The following BICRAL variants were observed in gnomAD, a reference collection of about 807,000 sequenced individuals.
The protein encoded by BICRAL is BRD4-interacting chromatin-remodeling complex-associated protein-like.
Under a neutral mutation model 91.8 loss-of-function variants are expected in BICRAL, and 8 were observed. The ratio of observed to expected loss-of-function variants is 0.09; its 90% CI spans 0.05 to 0.16. BICRAL has a LOEUF of 0.16. BICRAL is among the 10% of genes least tolerant of loss of function. The pLI is 1.00. For synonymous variants in BICRAL, 445 were observed against 491.1 expected, an observed-to-expected ratio of 0.91 and a Z score of 1.24; for missense variants, 1,038 against 1,310.9, an observed-to-expected ratio of 0.79 and a Z score of 3.21.
chr6:42,802,658 G>C lies in BICRAL; in HGVS notation c.-101-7648G>C, dbSNP rs138172921. 2.5e-3 allele frequency among the ~76,000 whole-genome samples: 378 copies of C among 152,204 alleles called. 10 individuals are homozygous for C. The East Asian group carries it at 0.068, about 28-fold the overall frequency. On this transcript the variant is annotated intron_variant, in intron 1 of 12. Coordinates refer to ENST00000314073, the MANE Select transcript of BICRAL (RefSeq NM_001393499.1). Reference sequence around the variant, plus strand: ...AGAGACAGGGTTTCACCATGGCCAGGCTGGTCTTGAACTTCTGACCTCAGG... The same window carrying C: ...AGAGACAGGGTTTCACCATGGCCAGCCTGGTCTTGAACTTCTGACCTCAGG...
intron 5 of BICRAL, among the ~76,000 whole-genome samples, chr6:42,827,207 T>C (rs960200955): frequency 1.3e-5 from 2 of 152,242 alleles, no homozygotes; most frequent in Non-Finnish European, 2.9e-5. Flanking sequence ...CTTACTATCA[T>C]CAGGACCTAT....
chr6:42,752,941 G>A (rs929549767), intron 1 of BICRAL, among the ~76,000 whole-genome samples: 10 of 128,800 alleles, frequency 7.8e-5, no homozygotes, highest in East Asian at 6.4e-4. Context: ...TTTTTGGTTG[G>A]GGGGGTACGG....
chr6:42,846,391 T>TTAAATAAATAAATAAATAAA (rs71547817), intron 6 of BICRAL, among the ~76,000 whole-genome samples: 31 of 150,992 alleles, frequency 2.1e-4, no homozygotes, highest in African/African-American at 6.4e-4. Flanking sequence ...AAACAATAAG[T>TTAAATAAATAAATAAATAAA]TAAATAAATA....
At position 42,820,044 on chromosome 6, in the gene BICRAL, C is replaced by T. The variant is rs1764098008; in HGVS notation, c.-5-1974C>T. ...TTTGCACTACTCAAGTAGTTTGTCA[C>T]TCTAAACTTAGGGGTAGCAGCTGTT... On this transcript the variant is annotated intron_variant, in intron 2 of 12. Transcript: ENST00000314073. 2.6e-5 allele frequency among the ~76,000 whole-genome samples: 4 copies of T among 152,206 alleles called. 1 individual carries two copies. In the South Asian group the frequency reaches 8.3e-4, roughly 31 times the overall value.
intron 1 of BICRAL, among the ~76,000 whole-genome samples, chr6:42,772,707 C>G (rs1296832575): frequency 1.3e-5 from 2 of 152,144 alleles, no homozygotes; most frequent in Non-Finnish European, 2.9e-5. Flanking sequence ...ACACAACCAG[C>G]TCTAGAATCT....
Position 42,864,704 on chromosome 6 carries a change from C to A in BICRAL, c.2498C>A (p.Ala833Asp), listed in dbSNP as rs775213785. The change falls in exon 13 of 13, where the codon GCT (alanine) becomes GAT (aspartate). Residue 833 changes from alanine to aspartate, a missense_variant. Coordinates refer to ENST00000314073, the MANE Select transcript of BICRAL (RefSeq NM_001393499.1). ...TGTTGTTCCTTCAAACTTGATAAAG[C>A]TGCTCATGAGACACAGTTTGGCCGG... Reference protein sequence around the residue: ...DFCCSFKLDKAAHETQFGRSD... With the variant: ...DFCCSFKLDKDAHETQFGRSD... 2 of 1,614,016 alleles carry A rather than the reference C, an allele frequency of 1.2e-6. No individual in the cohort carries two copies.
At chr6:42,838,035 G>A (rs186646441) in intron 6 of BICRAL, among the ~76,000 whole-genome samples, 1 of 152,304 alleles carries the variant, frequency 6.6e-6, no homozygotes, top group African/African-American at 2.4e-5. Context: ...GTCTCTATGT[G>A]TATGTACACA....
At chr6:42,802,428 T>TGTTGTTGTTGTTG (rs142098476) in intron 1 of BICRAL, among the ~76,000 whole-genome samples, 7 of 103,938 alleles carry the variant, frequency 6.7e-5, no homozygotes, top group African/African-American at 2.0e-4. Context: ...CGTGTTTTTT[T>TGTTGTTGTTGTTG]TTGTTGTTGT....
intron 1 of BICRAL, among the ~76,000 whole-genome samples, chr6:42,782,669 T>A (rs969344291): frequency 2.0e-5 from 3 of 150,114 alleles, no homozygotes; most frequent in African/African-American, 7.4e-5. Context: ...AGGGAAGCCT[T>A]TTAATGACTC....
intron 1 of BICRAL, among the ~76,000 whole-genome samples, chr6:42,754,124 T>C (rs1762423114): frequency 6.6e-6 from 1 of 152,102 alleles, no homozygotes; most frequent in Non-Finnish European, 1.5e-5. Flanking sequence ...AGTGCTGGGA[T>C]TACAGGCCGT....
intron 2 of BICRAL, among the ~76,000 whole-genome samples, chr6:42,814,479 ATGTG>A (rs35473219): frequency 1.1e-4 from 9 of 79,012 alleles, no homozygotes; most frequent in South Asian, 4.4e-4. Context: ...ATATACATGC[ATGTG>A]TGTGTGTGTG....
intron 10 of BICRAL, 107 bp downstream of exon 10, chr6:42,857,343 T>C (rs1765401939): frequency 2.2e-6 from 2 of 890,240 alleles, no homozygotes; most frequent in Non-Finnish European, 3.5e-6. Flanking sequence ...AGGCAGGTTA[T>C]TGTTTTTAAT....
At chr6:42,846,963 T>A (rs1464356940) in intron 6 of BICRAL, among the ~76,000 whole-genome samples, 1 of 152,092 alleles carries the variant, frequency 6.6e-6, no homozygotes, top group Admixed American at 6.5e-5. Context: ...AAACTTCAAG[T>A]TTTTTGCCAT....
chr6:42,789,255 A>T (rs1441285664), intron 1 of BICRAL, among the ~76,000 whole-genome samples: 2 of 152,208 alleles, frequency 1.3e-5, no homozygotes, highest in Non-Finnish European at 2.9e-5. Flanking sequence ...TAAATATTTA[A>T]AATTCAGTAA....
At chr6:42,844,495 C>T (rs1174281496) in intron 6 of BICRAL, among the ~76,000 whole-genome samples, 2 of 89,050 alleles carry the variant, frequency 2.2e-5, no homozygotes, top group Non-Finnish European at 4.2e-5. Context: ...GGCTACAGAG[C>T]AAGACTCCAT....
intron 6 of BICRAL, among the ~76,000 whole-genome samples, chr6:42,842,898 G>C (rs1764847911): frequency 6.7e-6 from 1 of 149,950 alleles, no homozygotes; most frequent in African/African-American, 2.5e-5. Flanking sequence ...CTGTCACCCA[G>C]GCTGGAGTGC....
chr6:42,789,639 C>CAAAAAAAAAAAAAAAA (rs11334649), intron 1 of BICRAL, among the ~76,000 whole-genome samples: 2 of 110,028 alleles, frequency 1.8e-5, no homozygotes, highest in Non-Finnish European at 2.0e-5. Context: ...TAGACTGTCT[C>CAAAAAAAAAAAAAAAA]AAAAAAAAAA....
At chr6:42,747,107 G>A (rs1416771804) in intron 1 of BICRAL, 1 of 152,258 alleles carries the variant, frequency 6.6e-6, no homozygotes, top group Admixed American at 6.5e-5. Flanking sequence ...ATTATTTCTA[G>A]GGGTGGTGGG....
intron 1 of BICRAL, among the ~76,000 whole-genome samples, chr6:42,768,793 T>C (rs533375778): frequency 6.6e-6 from 1 of 152,274 alleles, no homozygotes; most frequent in East Asian, 1.9e-4. Context: ...CCCTAGGCTT[T>C]CTAGCCTTGT....
Sources: allele counts gnomAD v4.1 joint callset (sites outside exome capture counted in the v4.1 genomes callset), GRCh38; gene constraint gnomAD v4.1.1; transcripts MANE v1.5; gene names NCBI Gene and HGNC (gene_info 2026-07-23, HGNC 2026-07-21).